TSPYL5: variants seen among roughly 807,000 people sequenced by gnomAD.
The protein encoded by TSPYL5 is TSPY like 5.
For missense variants in TSPYL5, 556 were observed against 555.5 expected, an observed-to-expected ratio of 1.00 and a Z score of -0.01; for synonymous variants, 276 against 236.1, an observed-to-expected ratio of 1.17 and a Z score of -1.55.
In TSPYL5 at chr8:97,277,306, G is replaced by A. The variant is rs1318716970; in HGVS notation, c.539C>T (p.Ser180Leu). The change falls in exon 1 of 1, where the codon TCA becomes TTA. Residue 180 changes from serine (S) to leucine (L), a missense_variant. Ser to Leu is a moderately radical substitution (Grantham distance 145). Coordinates refer to ENST00000322128, the MANE Select transcript of TSPYL5 (RefSeq NM_033512.3). The surrounding 1 kb of genome is among the most constrained non-coding windows in gnomAD (Gnocchi z 4.5). Reference sequence around the variant, plus strand: ...CTCTTCCTTCTTTTCCTCCCCAGCTGACACCGAGGTATTCTCCCCTGCCGC... The same window carrying A: ...CTCTTCCTTCTTTTCCTCCCCAGCTAACACCGAGGTATTCTCCCCTGCCGC... Reference protein sequence around the residue: ...KGAAGENTSVSAGEEKKEERD... With the variant: ...KGAAGENTSVLAGEEKKEERD... The A allele has an allele frequency of 1.9e-6, 3 of 1,612,254 alleles. No homozygotes were observed. The highest frequency in any genetic ancestry group is 1.3e-5 in the African/African-American group (1 of 74,906).
chr8:97,277,248 T>G lies in TSPYL5; in HGVS notation c.597A>C (p.Glu199Asp). 2 of 1,613,996 alleles carry G rather than the reference T, an allele frequency of 1.2e-6. No homozygotes were observed. The highest frequency in any genetic ancestry group is 1.6e-4 in the Middle Eastern group (1 of 6,062). Residue 199 changes from glutamate (E) to aspartate (D), a missense_variant, in exon 1 of 1, where the codon GAA (glutamate) becomes GAC (aspartate). Coordinates refer to ENST00000322128, the MANE Select transcript of TSPYL5 (RefSeq NM_033512.3). The surrounding 1 kb of genome is among the most constrained non-coding windows in gnomAD (Gnocchi z 4.5). ...RDAGSGPPAT[E>D]GSMDTLENVQ... ...CGTTCTCCAGCGTATCCATGCTGCC[T>G]TCCGTCGCTGGGGGCCCCGACCCTG...
Position 97,277,596 on chromosome 8 carries a change from C to T in TSPYL5, c.249G>A (p.Leu83=). ...LGEEAACRLP[L]DCGLALRARA... ...GGGCCCGCAGCGCGAGGCCACAGTC[C>T]AGGGGGAGCCGGCAGGCGGCCTCCT... is the stretch of plus-strand genomic sequence containing the variant. The change falls in exon 1 of 1, where the codon CTG becomes CTA. Residue 83 remains leucine, a synonymous_variant. Coordinates refer to ENST00000322128, the MANE Select transcript of TSPYL5 (RefSeq NM_033512.3). This position sits in a 1 kb window ranked among gnomAD's most constrained non-coding sequence, Gnocchi z 4.5. 2.1e-6 allele frequency: 3 copies of T among 1,439,404 alleles called. No individual in the cohort carries two copies. The highest frequency in any genetic ancestry group is 2.7e-6 in the Non-Finnish European group (3 of 1,098,946). The allele number at this position is 1,439,404 out of a possible 1,614,324, so 89.2% of individuals were successfully genotyped here.
chr8:97,274,788 T>C lies in TSPYL5; in HGVS notation c.*1803A>G, dbSNP rs1810486187. 6.6e-6 allele frequency: 1 copy of C among 152,094 alleles called. No individual in the cohort carries two copies. The highest frequency in any genetic ancestry group is 1.5e-5 in the Non-Finnish European group (1 of 68,024). 9.4% of individuals were successfully genotyped at this position (152,094 alleles called of 1,614,324 possible). The stretch of plus-strand genomic sequence containing the variant: ...TAGATACAGTCCTTCTTACCCACCC[T>C]CAGGGATAAGAGAGGGAAAGGCCCA... On this transcript the variant is annotated 3_prime_UTR_variant, in exon 1 of 1. Coordinates refer to ENST00000322128, the MANE Select transcript of TSPYL5 (RefSeq NM_033512.3).
In TSPYL5 at chr8:97,277,900, A is replaced by G; in HGVS notation, c.-56T>C. ...CTGTGACCCTGCGGCTCCTGACGCC[A>G]GCTCTCGGTCGGGACCGAGCGGGTC... is the stretch of plus-strand genomic sequence containing the variant. On this transcript the variant is annotated 5_prime_UTR_variant, in exon 1 of 1. Coordinates refer to ENST00000322128, the MANE Select transcript of TSPYL5 (RefSeq NM_033512.3). The surrounding 1 kb of genome is among the most constrained non-coding windows in gnomAD (Gnocchi z 4.5). 7.5e-7 allele frequency: 1 copy of G among 1,335,866 alleles called. No individual in the cohort carries two copies. Among genetic ancestry groups the G allele is most frequent in the Non-Finnish European group, 9.6e-7 (1 of 1,044,530 alleles). The allele number at this position is 1,335,866 out of a possible 1,614,324, so 82.8% of individuals were successfully genotyped here.
At position 97,277,866 on chromosome 8, in the gene TSPYL5, A is replaced by G. The variant is rs1224215653; in HGVS notation, c.-22T>C. On this transcript the variant is annotated 5_prime_UTR_variant, in exon 1 of 1. Coordinates refer to ENST00000322128, the MANE Select transcript of TSPYL5 (RefSeq NM_033512.3). The surrounding 1 kb of genome is among the most constrained non-coding windows in gnomAD (Gnocchi z 4.5). ...TCATGGTGGCGGCGGAGGCAGCTTCAAAGACACGCTGTGACCCTGCGGCTC... is the reference window on the plus strand; with the variant it reads ...TCATGGTGGCGGCGGAGGCAGCTTCGAAGACACGCTGTGACCCTGCGGCTC... 7.1e-7 allele frequency: 1 copy of G among 1,417,538 alleles called. No homozygotes were observed. The highest frequency in any genetic ancestry group is 1.6e-5 in the South Asian group (1 of 62,370). The allele number at this position is 1,417,538 out of a possible 1,614,324, so 87.8% of individuals were successfully genotyped here.
Position 97,276,765 on chromosome 8 carries a change from A to G in TSPYL5, c.1080T>C (p.Ile360=). The G allele has an allele frequency of 6.2e-7, 1 of 1,614,144 alleles. No homozygotes were observed. The highest frequency in any genetic ancestry group is 8.5e-7 in the Non-Finnish European group (1 of 1,180,020). ...TTATCTCCACAATCTTGTCAGACTC[A>G]ATGGAGCTGTGGTTTGAAAACCACC... The part of the protein sequence containing the change: ...FFGWFSNHSS[I]ESDKIVEIIN... Residue 360 remains isoleucine (I), a synonymous_variant, in exon 1 of 1, where the codon ATT becomes ATC. Coordinates refer to ENST00000322128, the MANE Select transcript of TSPYL5 (RefSeq NM_033512.3).
Position 97,276,538 on chromosome 8 carries a change from T to G in TSPYL5, c.*53A>C, listed in dbSNP as rs1462414814. ...TGAAGAGAAGGCAGAGAGCCAAATA[T>G]GTAGTCAACCAGGAGCAGCCCAGCA... On this transcript the variant is annotated 3_prime_UTR_variant, in exon 1 of 1. Coordinates refer to ENST00000322128, the MANE Select transcript of TSPYL5 (RefSeq NM_033512.3). The G allele has an allele frequency of 6.4e-7, 1 of 1,567,116 alleles. No individual in the cohort carries two copies. Among genetic ancestry groups the G allele is most frequent in the Non-Finnish European group, 8.6e-7 (1 of 1,159,604 alleles).
In TSPYL5 at chr8:97,277,760, G is replaced by C. The variant is rs1435252640; in HGVS notation, c.85C>G (p.Pro29Ala). 6 of 1,535,850 alleles carry C rather than the reference G, an allele frequency of 3.9e-6. No individual in the cohort carries two copies. The highest frequency in any genetic ancestry group is 5.2e-6 in the Non-Finnish European group (6 of 1,145,572). The change falls in exon 1 of 1, where the codon CCG becomes GCG. Residue 29 changes from proline to alanine, a missense_variant. By Grantham distance (27) the Pro-to-Ala change is conservative. Coordinates refer to ENST00000322128, the MANE Select transcript of TSPYL5 (RefSeq NM_033512.3). This position sits in a 1 kb window ranked among gnomAD's most constrained non-coding sequence, Gnocchi z 4.5. ...GRAKARVRPA[P>A]DDAPRDPDPS... Reference sequence around the variant, plus strand: ...TCCGGGTCGCGCGGGGCGTCGTCCGGAGCAGGGCGGACTCGGGCTTTGGCG... The same window carrying C: ...TCCGGGTCGCGCGGGGCGTCGTCCGCAGCAGGGCGGACTCGGGCTTTGGCG...
At position 97,277,206 on chromosome 8, in the gene TSPYL5, C is replaced by T; in HGVS notation, c.639G>A (p.Glu213=). The T allele has an allele frequency of 6.2e-7, 1 of 1,613,306 alleles. No homozygotes were observed. The highest frequency in any genetic ancestry group is 8.5e-7 in the Non-Finnish European group (1 of 1,180,014). The change falls in exon 1 of 1, where the codon GAG becomes GAA. Residue 213 remains glutamate, a synonymous_variant. Transcript: ENST00000322128. The surrounding 1 kb of genome is among the most constrained non-coding windows in gnomAD (Gnocchi z 4.5). The stretch of plus-strand genomic sequence containing the variant: ...CCCTGTCCGCCTGGGCGTTCATGTT[C>T]TCCAGCTTCAGCTGCACGTTCTCCA... ...DTLENVQLKL[E]NMNAQADRAY...
chr8:97,277,029 C>T lies in TSPYL5; in HGVS notation c.816G>A (p.Glu272=), dbSNP rs1563628901. ...LASFLNSQEK[E]VLSYLNSLEV... is the part of the protein sequence containing the mutation. ...CCAAGCTGTTTAAGTAGCTCAGTAC[C>T]TCTTTCTCTTGGCTATTCAGAAAGG... Residue 272 remains glutamate (E), a synonymous_variant, in exon 1 of 1, where the codon GAG becomes GAA. Coordinates refer to ENST00000322128, the MANE Select transcript of TSPYL5 (RefSeq NM_033512.3). This position sits in a 1 kb window ranked among gnomAD's most constrained non-coding sequence, Gnocchi z 4.5. 3 of 1,614,086 alleles carry T rather than the reference C, an allele frequency of 1.9e-6. No homozygotes were observed. In the Admixed American group the frequency reaches 5.0e-5, roughly 27 times the overall value.
Position 97,277,013 on chromosome 8 carries a change from T to G in TSPYL5, c.832A>C (p.Asn278His). ...SQEKEVLSYLNSLEVEELGLA... is the reference protein window; with the variant it reads ...SQEKEVLSYLHSLEVEELGLA... ...CCGAGCTCTTCCACTTCCAAGCTGTTTAAGTAGCTCAGTACCTCTTTCTCT... is the reference window on the plus strand; with the variant it reads ...CCGAGCTCTTCCACTTCCAAGCTGTGTAAGTAGCTCAGTACCTCTTTCTCT... The change falls in exon 1 of 1, where the codon AAC (asparagine) becomes CAC (histidine). Residue 278 changes from asparagine to histidine, a missense_variant. Coordinates refer to ENST00000322128, the MANE Select transcript of TSPYL5 (RefSeq NM_033512.3). The surrounding 1 kb of genome is among the most constrained non-coding windows in gnomAD (Gnocchi z 4.5). 6.2e-7 allele frequency: 1 copy of G among 1,614,192 alleles called. No homozygotes were observed. The highest frequency in any genetic ancestry group is 8.5e-7 in the Non-Finnish European group (1 of 1,180,028).
rs1176941283 is a variant in TSPYL5 at position 97,277,423 on chromosome 8, C to G, written c.422G>C (p.Arg141Pro). Reference sequence around the variant, plus strand: ...GGCCTTCTTCCCGGCAGGGCCACGCCGGTTTCCAACGCGGGGGGCATTTTT... The same window carrying G: ...GGCCTTCTTCCCGGCAGGGCCACGCGGGTTTCCAACGCGGGGGGCATTTTT... ...RPKNAPRVGN[R>P]RGPAGKKAPE... Residue 141 changes from arginine to proline, a missense_variant, in exon 1 of 1, where the codon CGG becomes CCG. Arg to Pro is a moderately radical substitution (Grantham distance 103). Transcript: ENST00000322128. This position sits in a 1 kb window ranked among gnomAD's most constrained non-coding sequence, Gnocchi z 4.5. 2 of 1,554,690 alleles carry G rather than the reference C, an allele frequency of 1.3e-6. No homozygotes were observed. The highest frequency in any genetic ancestry group is 1.7e-6 in the Non-Finnish European group (2 of 1,154,532).
At position 97,277,416 on chromosome 8, in the gene TSPYL5, G is replaced by A. The variant is rs1450426014; in HGVS notation, c.429C>T (p.Gly143=). The change falls in exon 1 of 1, where the codon GGC becomes GGT. Residue 143 remains glycine (G), a synonymous_variant. Coordinates refer to ENST00000322128, the MANE Select transcript of TSPYL5 (RefSeq NM_033512.3). This position sits in a 1 kb window ranked among gnomAD's most constrained non-coding sequence, Gnocchi z 4.5. ...TTTCTGGGGCCTTCTTCCCGGCAGG[G>A]CCACGCCGGTTTCCAACGCGGGGGG... ...KNAPRVGNRR[G]PAGKKAPETC... 3.2e-6 allele frequency: 5 copies of A among 1,563,448 alleles called. No homozygotes were observed. The highest frequency in any genetic ancestry group is 2.0e-5 in the Admixed American group (1 of 50,714).
chr8:97,275,388 C>T lies in TSPYL5; in HGVS notation c.*1203G>A, dbSNP rs1183401912. ...AATAAGGAAAGAAGGAAGGGGAAGG[C>T]AGAAGGGGAGGAAAGGAGGCTACCA... On this transcript the variant is annotated 3_prime_UTR_variant, in exon 1 of 1. Coordinates refer to ENST00000322128, the MANE Select transcript of TSPYL5 (RefSeq NM_033512.3). 3 of 151,452 alleles carry T rather than the reference C, an allele frequency of 2.0e-5. No homozygotes were observed. The highest frequency in any genetic ancestry group is 7.3e-5 in the African/African-American group (3 of 41,092). 9.4% of individuals were successfully genotyped at this position (151,452 alleles called of 1,614,324 possible).
Position 97,277,427 on chromosome 8 carries a change from T to C in TSPYL5, c.418A>G (p.Asn140Asp). Residue 140 changes from asparagine to aspartate, a missense_variant, in exon 1 of 1, where the codon AAC (asparagine) becomes GAC (aspartate). Physicochemically the swap from Asn to Asp is conservative, Grantham distance 23. Coordinates refer to ENST00000322128, the MANE Select transcript of TSPYL5 (RefSeq NM_033512.3). The surrounding 1 kb of genome is among the most constrained non-coding windows in gnomAD (Gnocchi z 4.5). ...GRPKNAPRVG[N>D]RRGPAGKKAP... is the part of the protein sequence containing the mutation. ...TTCTTCCCGGCAGGGCCACGCCGGT[T>C]TCCAACGCGGGGGGCATTTTTCGGC... 6.4e-7 allele frequency: 1 copy of C among 1,552,652 alleles called. No individual in the cohort carries two copies. The highest frequency in any genetic ancestry group is 8.7e-7 in the Non-Finnish European group (1 of 1,153,726).
rs1220882791 is a variant in TSPYL5, at chr8:97,273,600, T to C, written c.*2991A>G. 1 of 152,678 alleles carries C rather than the reference T, an allele frequency of 6.5e-6. No individual in the cohort carries two copies. The highest frequency in any genetic ancestry group is 1.5e-5 in the Non-Finnish European group (1 of 68,040). 9.5% of individuals were successfully genotyped at this position (152,678 alleles called of 1,614,324 possible). A position where few individuals can be genotyped will look rare whatever the true frequency, so the allele number is the denominator to read the frequency against. ...ATTAACAGGGTGTCAAATTACCAAGTAGAACAACCAGTTACTAATTATTTT... is the reference window on the plus strand; with the variant it reads ...ATTAACAGGGTGTCAAATTACCAAGCAGAACAACCAGTTACTAATTATTTT... On this transcript the variant is annotated 3_prime_UTR_variant, in exon 1 of 1. Transcript: ENST00000322128.
rs560665133 is a variant in TSPYL5 at position 97,274,970 on chromosome 8, C to T, written c.*1621G>A. The T allele has an allele frequency of 6.6e-6, 1 of 152,666 alleles. No homozygotes were observed. Among genetic ancestry groups the T allele is most frequent in the Non-Finnish European group, 1.5e-5 (1 of 68,152 alleles). 9.5% of individuals were successfully genotyped at this position (152,666 alleles called of 1,614,324 possible). ...AGGTAGAAGCAAAGAGAGCAAAGGA[C>T]TGCTGAAAGTGGGAAAGCTGGGGAT... On this transcript the variant is annotated 3_prime_UTR_variant, in exon 1 of 1. Transcript: ENST00000322128.
rs913469495 is a variant in TSPYL5, at chr8:97,274,026, C to T, written c.*2565G>A. 10 of 152,306 alleles carry T rather than the reference C, an allele frequency of 6.6e-5. No individual in the cohort carries two copies. The highest frequency in any genetic ancestry group is 2.4e-4 in the African/African-American group (10 of 41,558). 9.4% of individuals were successfully genotyped at this position (152,306 alleles called of 1,614,324 possible). On this transcript the variant is annotated 3_prime_UTR_variant, in exon 1 of 1. Coordinates refer to ENST00000322128, the MANE Select transcript of TSPYL5 (RefSeq NM_033512.3). Reference sequence around the variant, plus strand: ...ATCACCATCAAAAGAGACTACCAATCTCCCAAAGTAGTCACGGTTGCATTG... The same window carrying T: ...ATCACCATCAAAAGAGACTACCAATTTCCCAAAGTAGTCACGGTTGCATTG...
At position 97,277,671 on chromosome 8, in the gene TSPYL5, C is replaced by T. The variant is rs1457293321; in HGVS notation, c.174G>A (p.Gly58=). ...ACGCAGCGGCTTCCAGGCCACCCCA[C>T]CCCGCGCCAGCCTGCACCTGTGCCG... ...TQAAQVQAGA[G]WGGLEAAASA... Residue 58 remains glycine (G), a synonymous_variant, in exon 1 of 1, where the codon GGG becomes GGA. Coordinates refer to ENST00000322128, the MANE Select transcript of TSPYL5 (RefSeq NM_033512.3). This position sits in a 1 kb window ranked among gnomAD's most constrained non-coding sequence, Gnocchi z 4.5. 12 of 1,490,374 alleles carry T rather than the reference C, an allele frequency of 8.1e-6. No homozygotes were observed. Among genetic ancestry groups the T allele is most frequent in the African/African-American group, 1.5e-5 (1 of 68,206 alleles). 92.3% of individuals were successfully genotyped at this position (1,490,374 alleles called of 1,614,324 possible).
Sources: gnomAD v4.1 joint callset for allele counts on GRCh38, gnomAD v4.1.1 for gene constraint, Gnocchi (gnomAD v3.1) non-coding constraint, MANE v1.5 for transcripts, NCBI Gene and HGNC (gene_info 2026-07-23, HGNC 2026-07-21) for gene names.